Variants in LRRC61 observed in about 807,000 individuals in gnomAD.
LRRC61 encodes the protein leucine-rich repeat-containing protein 61.
A neutral mutation model predicts 15.1 loss-of-function variants in LRRC61; 9 were observed. The ratio of observed to expected loss-of-function variants is 0.60; its 90% CI spans 0.36 to 1.04. LRRC61 has a LOEUF of 1.04. Ranked by LOEUF, LRRC61 falls within the 50% of genes least tolerant of loss-of-function variation. The probability of loss-of-function intolerance (pLI) is 0.01; values close to 1 mark genes in which losing one functional copy is unlikely to be tolerated. For synonymous variants in LRRC61, 173 were observed against 158.6 expected (o/e 1.09, Z -0.68); for missense variants, 344 against 335.6 (o/e 1.03, Z -0.20).
chr7:150,315,491 G>C, the LRRC61 span, among the ~76,000 whole-genome samples: 1 of 152,160 alleles, frequency 6.6e-6, no homozygotes, highest in East Asian at 1.9e-4. Flanking sequence ...ACATGCTCAG[G>C]ATGGAAGAAG....
chr7:150,327,115 G>A (rs980544157), intron 2 of LRRC61, among the ~76,000 whole-genome samples: 1 of 151,338 alleles, frequency 6.6e-6, no homozygotes, highest in African/African-American at 2.4e-5. Context: ...GGTGAGTAAT[G>A]TTTAGCATCA....
chr7:150,331,361 G>A (rs1012652154), intron 2 of LRRC61: 31 of 453,660 alleles, frequency 6.8e-5, no homozygotes, highest in Non-Finnish European at 1.1e-4. Flanking sequence ...CTCCTAGAGA[G>A]CCCCTGCCTG....
Position 150,338,060 on chromosome 7 carries a change from C to T in LRRC61, c.*419C>T, listed in dbSNP as rs892180411. 19 of 429,702 alleles carry T rather than the reference C, an allele frequency of 4.4e-5. No homozygotes were observed. Among genetic ancestry groups the T allele is most frequent in the Non-Finnish European group, 8.3e-5 (19 of 229,598 alleles). The allele number at this position is 429,702 out of a possible 1,614,324, so 26.6% of individuals were successfully genotyped here. A position where few individuals can be genotyped will look rare whatever the true frequency, so the allele number is the denominator to read the frequency against. On this transcript the variant is annotated 3_prime_UTR_variant, in exon 3 of 3. Transcript: ENST00000359623. The stretch of plus-strand genomic sequence containing the variant: ...GGGACTCCCCTGCCTTGCAAATGTG[C>T]CTCTCCAGACTGCTCCTGCACTTAC...
At chr7:150,325,257 C>G (rs966878959) in intron 1 of LRRC61, among the ~76,000 whole-genome samples, 2 of 152,258 alleles carry the variant, frequency 1.3e-5, no homozygotes, top group Admixed American at 6.5e-5. Flanking sequence ...GCCGTCACCC[C>G]GGCCTGGCCC....
Position 150,337,732 on chromosome 7 carries a change from C to G in LRRC61, c.*91C>G, listed in dbSNP as rs1208297522. On this transcript the variant is annotated 3_prime_UTR_variant, in exon 3 of 3. Coordinates refer to ENST00000359623, the MANE Select transcript of LRRC61 (RefSeq NM_001142928.2). Reference sequence around the variant, plus strand: ...CCACACTCGTCTTAGTTGCTTCACACTGGTCACTGGCCCTGCACACTGGGC... The same window carrying G: ...CCACACTCGTCTTAGTTGCTTCACAGTGGTCACTGGCCCTGCACACTGGGC... 7 of 1,327,576 alleles carry G rather than the reference C, an allele frequency of 5.3e-6. No homozygotes were observed. The highest frequency in any genetic ancestry group is 7.1e-6 in the Non-Finnish European group (7 of 981,934). The allele number at this position is 1,327,576 out of a possible 1,614,324, so 82.2% of individuals were successfully genotyped here.
intron 2 of LRRC61, chr7:150,329,998 G>C (rs1295548063): frequency 5.7e-6 from 1 of 176,748 alleles, no homozygotes; most frequent in Non-Finnish European, 1.2e-5. Flanking sequence ...GTATCGAGCA[G>C]CTGCCCCAGC....
rs1303360945 is a variant in LRRC61 at position 150,330,181 on chromosome 7, T to A, written c.-145+4171T>A. On this transcript the variant is annotated intron_variant, in intron 2 of 2. Transcript: ENST00000359623. The surrounding 1 kb of genome is among the most constrained non-coding windows in gnomAD (Gnocchi z 4.6). ...GGCTCTGTGGAGGCCCAGGGACTCC[T>A]CACCCAGCTCCAGCGCCAGCGCAGC... The A allele has an allele frequency of 5.1e-6, 3 of 586,088 alleles. No individual in the cohort carries two copies. Among genetic ancestry groups the A allele is most frequent in the Non-Finnish European group, 9.1e-6 (3 of 329,480 alleles). 36.3% of individuals were successfully genotyped at this position (586,088 alleles called of 1,614,324 possible). A position where few individuals can be genotyped will look rare whatever the true frequency, so the allele number is the denominator to read the frequency against.
At position 150,336,876 on chromosome 7, in the gene LRRC61, G is replaced by A. The variant is rs200165365; in HGVS notation, c.15G>A (p.Ala5=). Residue 5 remains alanine (A), a synonymous_variant, in exon 3 of 3, where the codon GCG becomes GCA. Transcript: ENST00000359623. ...ACTTCCATCTCATGGACCCTCCAGC[G>A]GAGAAGCCGGGAGAGGCTGGCGGAC... is the stretch of plus-strand genomic sequence containing the variant. MDPP[A]EKPGEAGGLQ... is the part of the protein sequence containing the mutation. 1.2e-4 allele frequency: 191 copies of A among 1,612,768 alleles called. 3 individuals are homozygous for A. The Middle Eastern group carries it at 6.4e-3, about 54-fold the overall frequency.
chr7:150,316,483 ATTTTTTTTTTT>A, the LRRC61 span, among the ~76,000 whole-genome samples: 4 of 80,528 alleles, frequency 5.0e-5, no homozygotes, highest in Non-Finnish European at 2.7e-5. Flanking sequence ...GAATCTGGTT[ATTTTTTTTTTT>A]TTTTTTTTTT....
chr7:150,317,605 G>A, the LRRC61 span, among the ~76,000 whole-genome samples: 691 of 152,090 alleles, frequency 4.5e-3, 3 homozygotes, highest in African/African-American at 0.016. Context: ...CCAGAACAAC[G>A]TTAAATGATG....
At position 150,333,975 on chromosome 7, in the gene LRRC61, G is replaced by A. The variant is rs1798198115; in HGVS notation, c.-144-2743G>A. The stretch of plus-strand genomic sequence containing the variant: ...AGACCCAGGCCTGCATCTGGTGAGG[G>A]CAGGACGGGGCCACACTGGTGCAGG... On this transcript the variant is annotated intron_variant, in intron 2 of 2. Transcript: ENST00000359623. The surrounding 1 kb of genome is among the most constrained non-coding windows in gnomAD (Gnocchi z 4.3). 1 of 985,212 alleles carries A rather than the reference G, an allele frequency of 1.0e-6. No individual in the cohort carries two copies. The highest frequency in any genetic ancestry group is 1.2e-6 in the Non-Finnish European group (1 of 829,918). The allele number at this position is 985,212 out of a possible 1,614,324, so 61.0% of individuals were successfully genotyped here.
intron 2 of LRRC61, among the ~76,000 whole-genome samples, chr7:150,329,017 C>G (rs1403864856): frequency 6.6e-6 from 1 of 152,170 alleles, no homozygotes; most frequent in Non-Finnish European, 1.5e-5. Context: ...CTTCCACTAG[C>G]CAGAGATCAA....
rs913765001 is a variant in LRRC61, at chr7:150,333,593, T to C, written c.-144-3125T>C. ...CAGGCAGAAGACACTCACCAACGCC[T>C]GGGACCATCTTCCCTGGTTCTCAGT... On this transcript the variant is annotated intron_variant, in intron 2 of 2. Transcript: ENST00000359623. The surrounding 1 kb of genome is among the most constrained non-coding windows in gnomAD (Gnocchi z 4.3). Among the ~76,000 whole-genome samples, 1 of 152,226 alleles carries C rather than the reference T, an allele frequency of 6.6e-6. No homozygotes were observed. Among genetic ancestry groups the C allele is most frequent in the South Asian group, 2.1e-4 (1 of 4,832 alleles).
In LRRC61 at chr7:150,336,814, T is replaced by C; in HGVS notation, c.-48T>C. On this transcript the variant is annotated 5_prime_UTR_variant, in exon 3 of 3. Coordinates refer to ENST00000359623, the MANE Select transcript of LRRC61 (RefSeq NM_001142928.2). ...CACCAGCTGACCCCCAGTGGAACCC[T>C]GTGACAGTCCTGCCAGGGCCCAGGC... 1 of 1,560,468 alleles carries C rather than the reference T, an allele frequency of 6.4e-7. No individual in the cohort carries two copies. The highest frequency in any genetic ancestry group is 8.7e-7 in the Non-Finnish European group (1 of 1,151,796).
At position 150,338,140 on chromosome 7, in the gene LRRC61, TTCTGTTTTCA is replaced by T; in HGVS notation, c.*501_*510del. 1 of 738,958 alleles carries T rather than the reference TTCTGTTTTCA, an allele frequency of 1.4e-6. No homozygotes were observed. Among genetic ancestry groups the T allele is most frequent in the Non-Finnish European group, 2.0e-6 (1 of 508,202 alleles). The allele number at this position is 738,958 out of a possible 1,614,324, so 45.8% of individuals were successfully genotyped here. On this transcript the variant is annotated 3_prime_UTR_variant, in exon 3 of 3. Coordinates refer to ENST00000359623, the MANE Select transcript of LRRC61 (RefSeq NM_001142928.2). ...TCTTGTCCACACATCTATTAAATGC[TTCTGTTTTCA>T]TTTGCATCCCTGCCTGGCATTTCAT...
At chr7:150,317,209 C>T in the LRRC61 span, among the ~76,000 whole-genome samples, 20 of 151,922 alleles carry the variant, frequency 1.3e-4, no homozygotes, top group East Asian at 1.2e-3. Context: ...GCAGCATGCC[C>T]GGCTAATTTT....
upstream of LRRC61, chr7:150,322,867 G>A (rs1797689523): frequency 6.6e-6 from 1 of 152,248 alleles, no homozygotes; most frequent in African/African-American, 2.4e-5. Flanking sequence ...TGAACCGACC[G>A]ATAGATGAGC....
At chr7:150,319,445 G>T (rs1367430515), upstream of LRRC61, among the ~76,000 whole-genome samples, 1 of 152,156 alleles carries the variant, frequency 6.6e-6, no homozygotes, top group Non-Finnish European at 1.5e-5. Context: ...GACCTCAGGT[G>T]ATTTGCCTGC....
chr7:150,334,397 G>A lies in LRRC61; in HGVS notation c.-144-2321G>A, dbSNP rs143367396. On this transcript the variant is annotated intron_variant, in intron 2 of 2. Coordinates refer to ENST00000359623, the MANE Select transcript of LRRC61 (RefSeq NM_001142928.2). The stretch of plus-strand genomic sequence containing the variant: ...TTCACAGACTCGTTCATTCAGCCTC[G>A]TAGGTCAGCCTCCACCTCTGCTGCT... Among the ~76,000 whole-genome samples the A allele has an allele frequency of 2.1e-3, 301 of 145,964 alleles. 4 individuals are homozygous for A. In the East Asian group the frequency reaches 0.056, roughly 27 times the overall value.
Sources: allele counts gnomAD v4.1 joint callset (sites outside exome capture counted in the v4.1 genomes callset), GRCh38; gene constraint gnomAD v4.1.1; non-coding constraint Gnocchi (gnomAD v3.1); transcripts MANE v1.5; gene names NCBI Gene and HGNC (gene_info 2026-07-23, HGNC 2026-07-21).